WWC1: variants seen among roughly 807,000 people sequenced by gnomAD.
WWC1 encodes the protein protein KIBRA.
In WWC1, 55 loss-of-function variants were observed where a neutral mutation model predicts 138.4. That is an observed-to-expected ratio of 0.40 (90% CI 0.32 to 0.50). The LOEUF is 0.50. Among genes scored for constraint, WWC1 ranks in the 20% least tolerant of loss-of-function variants. WWC1 has a pLI of 0.72. For missense variants in WWC1, 1,226 were observed against 1,420.4 expected (o/e 0.86, Z 2.20); for synonymous variants, 524 against 564.9 (o/e 0.93, Z 1.03).
In WWC1 at chr5:168,449,977, T is replaced by C. The variant is rs552091247; in HGVS notation, c.2526-3991T>C. ...CATCTAAGTACAGAAGAGGTTTTAA[T>C]TGCAGAGTTGCGAGTAGAGATCCAA... On this transcript the variant is annotated intron_variant, in intron 17 of 22. Coordinates refer to ENST00000265293, the MANE Select transcript of WWC1 (RefSeq NM_015238.3). Among the ~76,000 whole-genome samples, 11 of 152,326 alleles carry C rather than the reference T, an allele frequency of 7.2e-5. No individual in the cohort carries two copies. In the East Asian group the frequency reaches 1.7e-3, roughly 24 times the overall value.
At chr5:168,359,033 G>GGTGTGTGTGT (rs58992917) in intron 1 of WWC1, among the ~76,000 whole-genome samples, 3,176 of 148,242 alleles carry the variant, frequency 0.021, 110 homozygotes, top group African/African-American at 0.075. Flanking sequence ...GTGGTGGTGG[G>GGTGTGTGTGT]GTGTGTGTGT....
chr5:168,412,077 A>C, intron 8 of WWC1: 1 of 985,448 alleles, frequency 1.0e-6, no homozygotes, highest in Non-Finnish European at 1.2e-6. Context: ...TCTGAAGAGG[A>C]CCACTCTGAA....
At chr5:168,363,151 T>G (rs1447889731) in intron 1 of WWC1, among the ~76,000 whole-genome samples, 2 of 152,094 alleles carry the variant, frequency 1.3e-5, no homozygotes, top group Admixed American at 6.5e-5. Context: ...TATAAATGCC[T>G]CCTCCTTCAG....
intron 5 of WWC1, 56 bp from the exon 6 acceptor site, chr5:168,406,142 G>A (rs1561717089): frequency 6.3e-7 from 1 of 1,598,892 alleles, no homozygotes; most frequent in Non-Finnish European, 8.5e-7. Context: ...TTCCCCTGGG[G>A]AGACCCTGTC....
chr5:168,312,485 G>T (rs1055486706), intron 1 of WWC1, among the ~76,000 whole-genome samples: 16 of 152,336 alleles, frequency 1.1e-4, no homozygotes, highest in Admixed American at 1.0e-3. Flanking sequence ...TACTTTGAAG[G>T]GTTGTTGTGA....
intron 19 of WWC1, among the ~76,000 whole-genome samples, chr5:168,456,624 C>G (rs1756349493): frequency 6.6e-6 from 1 of 151,878 alleles, no homozygotes; most frequent in Non-Finnish European, 1.5e-5. Context: ...GAGCAAAACT[C>G]TATCTCAAAA....
At chr5:168,454,173 A>C (rs1756095593) in intron 18 of WWC1, 73 bp downstream of exon 18, 7 of 1,570,088 alleles carry the variant, frequency 4.5e-6, no homozygotes, top group Non-Finnish European at 5.2e-6. Context: ...AGGCAGTCAG[A>C]AAAGACTCAG....
chr5:168,366,836 A>C (rs1338529812), intron 1 of WWC1, among the ~76,000 whole-genome samples: 2 of 123,040 alleles, frequency 1.6e-5, no homozygotes, highest in Non-Finnish European at 3.2e-5. Context: ...TTGAGATGGA[A>C]TCTTGCTCTG....
rs146446451 is a variant in WWC1, at chr5:168,413,732, G to A, written c.942-616G>A. Among the ~76,000 whole-genome samples, 39 of 152,284 alleles carry A rather than the reference G, an allele frequency of 2.6e-4. No individual in the cohort carries two copies. The East Asian group carries it at 3.5e-3, about 14-fold the overall frequency. On this transcript the variant is annotated intron_variant, in intron 8 of 22. Transcript: ENST00000265293. ...CTACCTGTCTCTGAATTGAGAATAC[G>A]CGGTCAGTAGTTGTAGTCTTAGTGG...
At chr5:168,338,067 T>G (rs528879463) in intron 1 of WWC1, among the ~76,000 whole-genome samples, 1 of 152,128 alleles carries the variant, frequency 6.6e-6, no homozygotes, top group African/African-American at 2.4e-5. Flanking sequence ...TCCCAGCACT[T>G]TGGGAGGCCA....
At chr5:168,333,544 T>A (rs1419952231) in intron 1 of WWC1, among the ~76,000 whole-genome samples, 5 of 152,214 alleles carry the variant, frequency 3.3e-5, no homozygotes, top group Non-Finnish European at 5.9e-5. Context: ...AGGTTCATAA[T>A]GATGGGCAGC....
At position 168,292,329 on chromosome 5, in the gene WWC1, C is replaced by T; in HGVS notation, c.119+58C>T. 1 of 1,529,336 alleles carries T rather than the reference C, an allele frequency of 6.5e-7. No homozygotes were observed. The highest frequency in any genetic ancestry group is 8.8e-7 in the Non-Finnish European group (1 of 1,136,790). 94.7% of individuals were successfully genotyped at this position (1,529,336 alleles called of 1,614,324 possible). Reference sequence around the variant, plus strand: ...CACCCCCGCCTGGGCCCCCACCTGCCCCTGGAGCCGCCGGCCGGGACTGGG... The same window carrying T: ...CACCCCCGCCTGGGCCCCCACCTGCTCCTGGAGCCGCCGGCCGGGACTGGG... On this transcript the variant is annotated intron_variant, in intron 1 of 22. Coordinates refer to ENST00000265293, the MANE Select transcript of WWC1 (RefSeq NM_015238.3). The surrounding 1 kb of genome is among the most constrained non-coding windows in gnomAD (Gnocchi z 4.4).
chr5:168,400,674 C>T (rs1395544032), intron 5 of WWC1, among the ~76,000 whole-genome samples: 1 of 152,094 alleles, frequency 6.6e-6, no homozygotes, highest in African/African-American at 2.4e-5. Context: ...TGTGGCTGGG[C>T]ACAGTGGCTC....
chr5:168,412,724 A>G (rs1158753014), intron 8 of WWC1, among the ~76,000 whole-genome samples: 1 of 151,934 alleles, frequency 6.6e-6, no homozygotes, highest in Admixed American at 6.6e-5. Flanking sequence ...AGTATCCAGG[A>G]AAAAAAATTA....
chr5:168,468,829 C>T (rs1168597486), intron 22 of WWC1, 122 bp from the exon 23 acceptor site: 13 of 996,244 alleles, frequency 1.3e-5, no homozygotes, highest in African/African-American at 4.8e-5. Context: ...AGGCCAAGGA[C>T]GTTGCTAAAC....
intron 3 of WWC1, among the ~76,000 whole-genome samples, chr5:168,396,879 A>G (rs997282734): frequency 1.3e-5 from 2 of 152,226 alleles, no homozygotes. Context: ...TAATTGTATT[A>G]GGGTGGTAAG....
At chr5:168,357,500 G>GCA (rs1310697278) in intron 1 of WWC1, among the ~76,000 whole-genome samples, 86 of 139,970 alleles carry the variant, frequency 6.1e-4, no homozygotes, top group South Asian at 6.5e-4. Context: ...GTGTGCGCGC[G>GCA]CGCACGCATG....
chr5:168,418,437 C>T (rs1026913463), intron 9 of WWC1, among the ~76,000 whole-genome samples: 1 of 152,188 alleles, frequency 6.6e-6, no homozygotes, highest in South Asian at 2.1e-4. Flanking sequence ...TGCTGAAATA[C>T]AGCTTGTGGG....
chr5:168,292,101 C>T lies in WWC1; in HGVS notation c.-52C>T, dbSNP rs1015266393. The T allele has an allele frequency of 5.2e-5, 77 of 1,480,174 alleles. No homozygotes were observed. The highest frequency in any genetic ancestry group is 1.3e-4 in the South Asian group (10 of 74,466). 91.7% of individuals were successfully genotyped at this position (1,480,174 alleles called of 1,614,324 possible). A position where few individuals can be genotyped will look rare whatever the true frequency, so the allele number is the denominator to read the frequency against. ...AGAGCGGCCGGCTGGAGCCGCTGAGCCCCCGCTGCGGCCGGGAGCTGCATG... is the reference window on the plus strand; with the variant it reads ...AGAGCGGCCGGCTGGAGCCGCTGAGTCCCCGCTGCGGCCGGGAGCTGCATG... On this transcript the variant is annotated 5_prime_UTR_variant, in exon 1 of 23. Transcript: ENST00000265293. The surrounding 1 kb of genome is among the most constrained non-coding windows in gnomAD (Gnocchi z 4.4).
Sources: gnomAD v4.1 joint callset for allele counts (sites outside exome capture counted in the v4.1 genomes callset) on GRCh38, gnomAD v4.1.1 for gene constraint, Gnocchi (gnomAD v3.1) non-coding constraint, MANE v1.5 for transcripts, NCBI Gene and HGNC (gene_info 2026-07-23, HGNC 2026-07-21) for gene names.